CLDN16: variants seen among roughly 807,000 people sequenced by gnomAD.
The protein encoded by CLDN16 is claudin-16.
CLDN16 carries 13 observed loss-of-function variants against 24.6 expected under a neutral mutation model. The observed-to-expected ratio is 0.53, with a 90% CI of 0.34 to 0.84. The LOEUF (loss-of-function observed/expected upper bound fraction) is 0.84. Ranked by LOEUF, CLDN16 falls within the 40% of genes least tolerant of loss-of-function variation. The probability of loss-of-function intolerance (pLI) is 0.01; values close to 1 mark genes in which losing one functional copy is unlikely to be tolerated. For synonymous variants in CLDN16, 116 were observed against 106.7 expected, an observed-to-expected ratio of 1.09 and a Z score of -0.54; for missense variants, 298 against 292.7, an observed-to-expected ratio of 1.02 and a Z score of -0.13.
upstream of CLDN16, among the ~76,000 whole-genome samples, chr3:190,385,307 C>T (rs761870354): frequency 2.6e-5 from 4 of 152,166 alleles, no homozygotes; most frequent in Admixed American, 1.3e-4. Flanking sequence ...CAACACCCTA[C>T]ACATTTCTTA....
At position 190,350,344 on chromosome 3, in the gene CLDN16, T is replaced by TTATA. The variant is rs10563626; in HGVS notation, n.122-20530_122-20527dup. On this transcript the variant is annotated intron_variant and non_coding_transcript_variant, in intron 1 of 4. Transcript: ENST00000468220. ...AGTTTAAGAATCATAGTTCATAATG[T>TTATA]TATATATATATATATATATATACTT... is the stretch of plus-strand genomic sequence containing the variant. Among the ~76,000 whole-genome samples, 370 of 142,054 alleles carry TTATA rather than the reference T, an allele frequency of 2.6e-3. 6 individuals are homozygous for TTATA. Among genetic ancestry groups the TTATA allele is most frequent in the African/African-American group, 8.2e-3 (319 of 38,802 alleles). 93.2% of individuals were successfully genotyped at this position (142,054 alleles called of 152,430 possible).
chr3:190,359,679 G>A (rs1717846012), intron 1 of CLDN16, among the ~76,000 whole-genome samples: 1 of 152,016 alleles, frequency 6.6e-6, no homozygotes, highest in Non-Finnish European at 1.5e-5. Context: ...CAACTAATGT[G>A]ATCTGTGCTT....
At chr3:190,356,553 T>G (rs1717777612) in intron 1 of CLDN16, among the ~76,000 whole-genome samples, 1 of 151,884 alleles carries the variant, frequency 6.6e-6, no homozygotes, top group African/African-American at 2.4e-5. Flanking sequence ...TAGATGGCCC[T>G]TCCTCAATCT....
the CLDN16 span, among the ~76,000 whole-genome samples, chr3:190,302,157 C>T: frequency 1.3e-5 from 2 of 152,146 alleles, no homozygotes; most frequent in Non-Finnish European, 2.9e-5. Flanking sequence ...CTACCAGGTA[C>T]CACTTGATTT....
chr3:190,327,847 ACT>A (rs1368398667), intron 1 of CLDN16, among the ~76,000 whole-genome samples: 17 of 152,266 alleles, frequency 1.1e-4, no homozygotes, highest in Admixed American at 1.0e-3. Flanking sequence ...ATAGAGGAAG[ACT>A]CTCTAATCTT....
the CLDN16 span, chr3:190,310,273 A>C: frequency 6.3e-7 from 1 of 1,586,634 alleles, no homozygotes; most frequent in East Asian, 2.2e-5. Context: ...TTCAAAACAA[A>C]AGACTGTTAA....
At chr3:190,315,561 A>G in the CLDN16 span, among the ~76,000 whole-genome samples, 1 of 152,318 alleles carries the variant, frequency 6.6e-6, no homozygotes, top group Admixed American at 6.5e-5. Context: ...CAATCAATAA[A>G]TATTTCTATG....
chr3:190,366,981 C>A (rs11709671), intron 1 of CLDN16, among the ~76,000 whole-genome samples: 54,091 of 151,750 alleles, frequency 0.36, 9,839 homozygotes, highest in African/African-American at 0.41. Flanking sequence ...TGCCCCAAAG[C>A]AGCATGTGGG....
upstream of CLDN16, among the ~76,000 whole-genome samples, chr3:190,386,872 G>T (rs1416296559): frequency 6.6e-6 from 1 of 152,116 alleles, no homozygotes; most frequent in Non-Finnish European, 1.5e-5. Context: ...GTTTATTATT[G>T]TAATATATTT....
At chr3:190,346,531 G>A (rs1313949230) in intron 1 of CLDN16, among the ~76,000 whole-genome samples, 2 of 152,134 alleles carry the variant, frequency 1.3e-5, no homozygotes, top group African/African-American at 4.8e-5. Flanking sequence ...CATTCTTTAT[G>A]TAAGTTGTCC....
At chr3:190,297,551 A>G in the CLDN16 span, among the ~76,000 whole-genome samples, 9 of 141,890 alleles carry the variant, frequency 6.3e-5, no homozygotes, top group South Asian at 6.4e-4. Flanking sequence ...AGATAATAAT[A>G]TAGATATATA....
At chr3:190,404,691 T>G (rs966206029) in intron 2 of CLDN16, 71 bp from the exon 3 acceptor site, 8 of 1,499,212 alleles carry the variant, frequency 5.3e-6, no homozygotes, top group Non-Finnish European at 7.4e-6. Flanking sequence ...CTGTTTTTTT[T>G]GCTATGTCTC....
At chr3:190,372,466 G>T (rs1047512361) in intron 2 of CLDN16, among the ~76,000 whole-genome samples, 2 of 151,328 alleles carry the variant, frequency 1.3e-5, no homozygotes, top group African/African-American at 4.8e-5. Context: ...AACATGTTGA[G>T]ACCCCCTTCC....
chr3:190,406,982 C>T (rs1000989933), intron 3 of CLDN16, among the ~76,000 whole-genome samples: 25 of 151,964 alleles, frequency 1.6e-4, no homozygotes, highest in Admixed American at 5.9e-4. Context: ...CCTCGTGATC[C>T]GCCCGCCTCG....
In CLDN16 at chr3:190,404,683, GT is replaced by G. The variant is rs953383172; in HGVS notation, c.218-71del. 131 of 1,445,612 alleles carry G rather than the reference GT, an allele frequency of 9.1e-5. No individual in the cohort carries two copies. In the African/African-American group the frequency reaches 1.3e-3, roughly 14 times the overall value. The allele number at this position is 1,445,612 out of a possible 1,614,324, so 89.5% of individuals were successfully genotyped here. ...GTGTGTTAATGTTACCTACTTGTCT[GT>G]TTTTTTTGCTATGTCTCTGTGAGTT... On this transcript the variant is annotated intron_variant, in intron 2 of 4. Transcript: ENST00000264734.
intron 2 of CLDN16, among the ~76,000 whole-genome samples, chr3:190,373,984 G>A (rs956469499): frequency 6.6e-6 from 1 of 151,576 alleles, no homozygotes; most frequent in Non-Finnish European, 1.5e-5. Flanking sequence ...TCTCCATTTG[G>A]ATGGAAGAAA....
intron 1 of CLDN16, among the ~76,000 whole-genome samples, chr3:190,353,768 G>T (rs1316446252): frequency 1.3e-5 from 2 of 152,008 alleles, no homozygotes; most frequent in Admixed American, 1.3e-4. Flanking sequence ...AGTAGTAAAA[G>T]TGACAGCCCT....
chr3:190,403,996 C>T (rs1236331405), intron 2 of CLDN16, among the ~76,000 whole-genome samples: 2 of 152,062 alleles, frequency 1.3e-5, no homozygotes, highest in East Asian at 3.8e-4. Flanking sequence ...CTCATAAGCT[C>T]ACTACGTAGA....
chr3:190,340,121 T>C (rs1215064492), intron 1 of CLDN16, among the ~76,000 whole-genome samples: 1 of 152,204 alleles, frequency 6.6e-6, no homozygotes, highest in Admixed American at 6.5e-5. Context: ...CATCCTTTCT[T>C]GATAAAAACT....
Sources: allele counts gnomAD v4.1 joint callset (sites outside exome capture counted in the v4.1 genomes callset), GRCh38; gene constraint gnomAD v4.1.1; transcripts MANE v1.5; gene names NCBI Gene and HGNC (gene_info 2026-07-23, HGNC 2026-07-21).